The following PRKCZ variants were observed in gnomAD, a reference collection of about 807,000 sequenced individuals.
PRKCZ encodes protein kinase C zeta type.
In PRKCZ, 33 loss-of-function variants were observed where a neutral mutation model predicts 79.5. That is an observed-to-expected ratio of 0.41 (90% CI 0.31 to 0.55). The LOEUF is 0.55. Ranked by LOEUF, PRKCZ falls within the 20% of genes least tolerant of loss-of-function variation. The pLI is 0.19. For synonymous variants in PRKCZ, 342 were observed against 320.9 expected, an observed-to-expected ratio of 1.07 and a Z score of -0.70; for missense variants, 578 against 813.5, an observed-to-expected ratio of 0.71 and a Z score of 3.52.
rs1395204216 is a variant in PRKCZ at position 2,122,155 on chromosome 1, T to C, written c.335-13107T>C. Among the ~76,000 whole-genome samples the C allele has an allele frequency of 2.3e-4, 3 of 13,040 alleles. No homozygotes were observed. The South Asian group carries it at 7.6e-3, about 33-fold the overall frequency. 8.6% of individuals were successfully genotyped at this position (13,040 alleles called of 152,430 possible). ...GTTAGGGTCGTGGTGGTTAGGGTCG[T>C]GGTGGTTAGGGTCGTGGTGGTTAGG... On this transcript the variant is annotated intron_variant, in intron 4 of 17. Transcript: ENST00000378567.
chr1:2,062,713 C>T (rs2102258270), intron 4 of PRKCZ, among the ~76,000 whole-genome samples: 1 of 152,178 alleles, frequency 6.6e-6, no homozygotes, highest in South Asian at 2.1e-4. Flanking sequence ...GTCTCGAACT[C>T]CTGGGCTCAA....
In PRKCZ at chr1:2,169,589, C is replaced by G; in HGVS notation, c.1046C>G (p.Pro349Arg). ...MFHMQRQRKL[P>R]EEHARFYAAE... ...CACATGCAGAGGCAGAGGAAGCTCC[C>G]TGAGGAGCACGCCAGGTGGGTGCGC... is the stretch of plus-strand genomic sequence containing the variant. The change falls in exon 11 of 18, where the codon CCT (proline) becomes CGT (arginine). Residue 349 changes from proline to arginine, a missense_variant. Transcript: ENST00000378567. The G allele has an allele frequency of 6.6e-7, 1 of 1,511,160 alleles. No individual in the cohort carries two copies. The highest frequency in any genetic ancestry group is 8.9e-7 in the Non-Finnish European group (1 of 1,120,946). 93.6% of individuals were successfully genotyped at this position (1,511,160 alleles called of 1,614,324 possible).
At chr1:2,072,445 C>T (rs1661683790) in intron 4 of PRKCZ, among the ~76,000 whole-genome samples, 1 of 152,102 alleles carries the variant, frequency 6.6e-6, no homozygotes, top group Non-Finnish European at 1.5e-5. Context: ...TGCGGGCAAG[C>T]GCCGGGTGGG....
At chr1:2,076,254 C>T (rs16824716) in intron 4 of PRKCZ, among the ~76,000 whole-genome samples, 4,649 of 152,142 alleles carry the variant, frequency 0.031, 118 homozygotes, top group Middle Eastern at 0.11. Context: ...GGTCTCCTGG[C>T]GCCCACTCAC....
At chr1:2,088,392 C>A (rs146831353) in intron 4 of PRKCZ, among the ~76,000 whole-genome samples, 1 of 152,192 alleles carries the variant, frequency 6.6e-6, no homozygotes, top group Non-Finnish European at 1.5e-5. Context: ...TTCCTGGGAA[C>A]CAAATCCCTC....
intron 5 of PRKCZ, chr1:2,143,328 C>G (rs1013934067): frequency 5.9e-5 from 9 of 152,296 alleles, no homozygotes. Context: ...CACGCCCGGC[C>G]TATATTTCCT....
At chr1:2,074,632 T>G in intron 4 of PRKCZ, 1 of 408,200 alleles carries the variant, frequency 2.4e-6, no homozygotes, top group Non-Finnish European at 4.5e-6. Flanking sequence ...AGCCCCCGTT[T>G]TGCATTGACA....
intron 4 of PRKCZ, among the ~76,000 whole-genome samples, chr1:2,116,761 CT>C (rs34766003): frequency 6.6e-6 from 1 of 152,244 alleles, no homozygotes; most frequent in East Asian, 1.9e-4. Context: ...TGGTTATTGG[CT>C]TTTTACATTT....
chr1:2,053,413 T>C (rs1465109943), intron 1 of PRKCZ, among the ~76,000 whole-genome samples: 1 of 152,036 alleles, frequency 6.6e-6, no homozygotes, highest in East Asian at 1.9e-4. Flanking sequence ...TCAGACAACG[T>C]TTGTGTTCAG....
chr1:2,102,936 G>A (rs1210026624), intron 4 of PRKCZ, among the ~76,000 whole-genome samples: 1 of 152,054 alleles, frequency 6.6e-6, no homozygotes, highest in Non-Finnish European at 1.5e-5. Flanking sequence ...CTGGAGTACA[G>A]TGGTACAATC....
At chr1:2,085,300 T>A (rs1005679252) in intron 4 of PRKCZ, among the ~76,000 whole-genome samples, 3 of 152,142 alleles carry the variant, frequency 2.0e-5, no homozygotes, top group Non-Finnish European at 4.4e-5. Context: ...ACACAGAAGG[T>A]CCCGGAGCAG....
chr1:2,152,962 T>C (rs1680195587), intron 9 of PRKCZ, among the ~76,000 whole-genome samples: 1 of 152,242 alleles, frequency 6.6e-6, no homozygotes, highest in South Asian at 2.1e-4. Flanking sequence ...CGTACAAGAA[T>C]CTGTTTGAGT....
chr1:2,058,653 T>C (rs943969377), intron 3 of PRKCZ, among the ~76,000 whole-genome samples: 2 of 152,118 alleles, frequency 1.3e-5, no homozygotes, highest in African/African-American at 4.8e-5. Flanking sequence ...CCCAGCACTT[T>C]GGGAGGCCGA....
intron 1 of PRKCZ, among the ~76,000 whole-genome samples, chr1:2,051,845 G>A (rs961721649): frequency 6.6e-6 from 1 of 151,978 alleles, no homozygotes; most frequent in Admixed American, 6.5e-5. Context: ...AGGCTCAATT[G>A]TCTCTTCTTT....
At chr1:2,109,687 C>T (rs139706661) in intron 4 of PRKCZ, among the ~76,000 whole-genome samples, 8 of 152,286 alleles carry the variant, frequency 5.3e-5, no homozygotes, top group African/African-American at 9.6e-5. Context: ...GTCCGGAAGG[C>T]GGTGCTAGGT....
At chr1:2,092,958 G>T (rs1481762914) in intron 4 of PRKCZ, among the ~76,000 whole-genome samples, 5 of 152,200 alleles carry the variant, frequency 3.3e-5, no homozygotes, top group African/African-American at 1.2e-4. Flanking sequence ...CTCGGGCCCT[G>T]CCTCAGTTGC....
At chr1:2,066,110 G>A (rs1661103407) in intron 4 of PRKCZ, among the ~76,000 whole-genome samples, 1 of 152,150 alleles carries the variant, frequency 6.6e-6, no homozygotes, top group African/African-American at 2.4e-5. Context: ...TTACATCTGT[G>A]TTAATAAAGG....
chr1:2,050,868 C>A (rs1218589030), intron 1 of PRKCZ, 167 bp downstream of exon 1: 2 of 416,492 alleles, frequency 4.8e-6, no homozygotes, highest in Non-Finnish European at 8.0e-6. Context: ...GAGCGTCACC[C>A]GCGGACACGT....
intron 4 of PRKCZ, among the ~76,000 whole-genome samples, chr1:2,074,440 G>A (rs946968908): frequency 6.6e-6 from 1 of 152,122 alleles, no homozygotes; most frequent in African/African-American, 2.4e-5. Flanking sequence ...GGGTCTGTGG[G>A]TCTGTCGGGG....
Sources: allele counts gnomAD v4.1 joint callset (sites outside exome capture counted in the v4.1 genomes callset), GRCh38; gene constraint gnomAD v4.1.1; transcripts MANE v1.5; gene names NCBI Gene and HGNC (gene_info 2026-07-23, HGNC 2026-07-21).